PSG1: variants seen among roughly 807,000 people sequenced by gnomAD.
PSG1 encodes pregnancy-specific beta-1-glycoprotein 1.
A neutral mutation model predicts 41.4 loss-of-function variants in PSG1; 60 were observed. The ratio of observed to expected loss-of-function variants is 1.45; its 90% confidence interval spans 1.18 to 1.80. The LOEUF is 1.80. Ranked by LOEUF, PSG1 falls within the 40% of genes most tolerant of loss-of-function variation. The pLI is 0.00. For missense variants in PSG1, 806 were observed against 516.9 expected (o/e 1.56, Z -5.42); for synonymous variants, 256 against 192.9 (o/e 1.33, Z -2.71).
chr19:42,871,208 T>G (rs914481001), intron 3 of PSG1, among the ~76,000 whole-genome samples: 4 of 151,422 alleles, frequency 2.6e-5, no homozygotes, highest in African/African-American at 9.7e-5. Flanking sequence ...TGATTTGGGG[T>G]ATAAAGAACA....
intron 3 of PSG1, among the ~76,000 whole-genome samples, chr19:42,871,429 G>A (rs1330018045): frequency 6.6e-6 from 1 of 151,600 alleles, no homozygotes; most frequent in African/African-American, 2.4e-5. Flanking sequence ...GTCTGTGGAA[G>A]GGCCACAATC....
chr19:42,876,149 G>T lies in PSG1; in HGVS notation c.430+1764C>A, dbSNP rs1417286209. On this transcript the variant is annotated intron_variant, in intron 2 of 5. Transcript: ENST00000436291. ...GGGAGTGTCTAGGGAAGGCCTAGAG[G>T]TGGAGGAAGAAGCTGTGCAGGACAG... 3.3e-5 allele frequency among the ~76,000 whole-genome samples: 5 copies of T among 151,512 alleles called. No homozygotes were observed. In the East Asian group the frequency reaches 9.7e-4, roughly 29 times the overall value.
At chr19:42,871,689 A>T in intron 3 of PSG1, 78 bp downstream of exon 3, 1 of 1,612,082 alleles carries the variant, frequency 6.2e-7, no homozygotes, top group South Asian at 1.1e-5. Flanking sequence ...TGGACCTGAG[A>T]GGGACAGAGA....
intron 5 of PSG1, chr19:42,867,711 G>A: frequency 1.2e-6 from 1 of 823,966 alleles, no homozygotes; most frequent in Non-Finnish European, 2.1e-6. Context: ...TTCAATTACG[G>A]TTCCCAGAAG....
At chr19:42,869,513 G>T (rs1000744927) in intron 3 of PSG1, 3 of 175,350 alleles carry the variant, frequency 1.7e-5, no homozygotes, top group African/African-American at 4.8e-5. Context: ...CAACCCTGAA[G>T]ATACTGAGCA....
rs551514638 is a variant in PSG1 at position 42,879,429 on chromosome 19, C to T, written c.64+89G>A. On this transcript the variant is annotated intron_variant, in intron 1 of 5. Coordinates refer to ENST00000436291, the MANE Select transcript of PSG1 (RefSeq NM_001184825.2). ...AGACTCCCAAAGTGCTGGCTTCTTT[C>T]ATTTTTTAGAACCCCATCCTCTCCA... 65 of 1,560,650 alleles carry T rather than the reference C, an allele frequency of 4.2e-5. 3 individuals carry two copies. In the South Asian group the frequency reaches 5.2e-4, roughly 12 times the overall value.
In PSG1 at chr19:42,868,113, C is replaced by A. The variant is rs1971210833; in HGVS notation, c.1231G>T (p.Val411Phe). The change falls in exon 5 of 6, where the codon GTC (valine) becomes TTC (phenylalanine). Residue 411 changes from valine to phenylalanine, a missense_variant. Coordinates refer to ENST00000436291, the MANE Select transcript of PSG1 (RefSeq NM_001184825.2). ...TGKESSKSMT[V>F]EVSDWTVP ...GGGATCCACTTACCAGAGACTTCGA[C>A]TGTCATGGATTTGGAGCTTTCCTTG... The A allele has an allele frequency of 6.2e-7, 1 of 1,612,264 alleles. No homozygotes were observed. The highest frequency in any genetic ancestry group is 8.5e-7 in the Non-Finnish European group (1 of 1,179,134).
intron 2 of PSG1, among the ~76,000 whole-genome samples, chr19:42,877,166 C>T (rs533144368): frequency 5.3e-4 from 81 of 151,778 alleles, no homozygotes; most frequent in African/African-American, 1.8e-3. Flanking sequence ...AGCACCTTTA[C>T]GTCAGATCCC....
Position 42,872,052 on chromosome 19 carries a change from A to T in PSG1, c.431-7T>A, listed in dbSNP as rs1364175632. ...GAGGGCTTAGGAGTCTCCACTGTGCAGAAAACAGGGTGAAGATTGCCGTGT... is the reference window on the plus strand; with the variant it reads ...GAGGGCTTAGGAGTCTCCACTGTGCTGAAAACAGGGTGAAGATTGCCGTGT... On this transcript the variant is annotated splice_polypyrimidine_tract_variant and splice_region_variant and intron_variant, in intron 2 of 5. Transcript: ENST00000436291. The T allele has an allele frequency of 1.2e-5, 20 of 1,607,280 alleles. 1 individual carries two copies. Among genetic ancestry groups the T allele is most frequent in the African/African-American group, 5.4e-5 (4 of 74,436 alleles).
chr19:42,871,691 G>T (rs1186681503), intron 3 of PSG1, 76 bp downstream of exon 3: 1 of 1,612,024 alleles, frequency 6.2e-7, no homozygotes, highest in Non-Finnish European at 8.5e-7. Context: ...GACCTGAGAG[G>T]GACAGAGAGG....
chr19:42,876,137 G>C (rs1375082611), intron 2 of PSG1, among the ~76,000 whole-genome samples: 2 of 151,428 alleles, frequency 1.3e-5, no homozygotes, highest in Non-Finnish European at 2.9e-5. Flanking sequence ...AGTGTCTAGG[G>C]AAGGCCTAGA....
chr19:42,876,095 A>T (rs1037640015), intron 2 of PSG1, among the ~76,000 whole-genome samples: 3 of 151,282 alleles, frequency 2.0e-5, no homozygotes, highest in African/African-American at 4.9e-5. Context: ...TGTTAGTGGG[A>T]AGGGAACTGA....
intron 5 of PSG1, 134 bp downstream of exon 5, chr19:42,867,967 C>A: frequency 1.3e-6 from 2 of 1,595,912 alleles, no homozygotes; most frequent in South Asian, 1.1e-5. Flanking sequence ...TTGGAGGGTT[C>A]AGGAGGAGAA....
In PSG1 at chr19:42,867,905, A is replaced by G. The variant is rs534436212; in HGVS notation, c.1243+196T>C. On this transcript the variant is annotated intron_variant, in intron 5 of 5. Coordinates refer to ENST00000436291, the MANE Select transcript of PSG1 (RefSeq NM_001184825.2). ...TTCCTGCTTGGTCTAGGCTGGGAAT[A>G]TTATGAAGATATCAGCCTGTTTGTT... The G allele has an allele frequency of 3.4e-5, 51 of 1,485,298 alleles. 1 individual carries two copies. Among genetic ancestry groups the G allele is most frequent in the South Asian group, 2.7e-4 (20 of 74,480 alleles). The allele number at this position is 1,485,298 out of a possible 1,614,324, so 92.0% of individuals were successfully genotyped here.
Position 42,867,121 on chromosome 19 carries a change from G to T in PSG1, c.*13C>A, listed in dbSNP as rs759945646. 7 of 772,004 alleles carry T rather than the reference G, an allele frequency of 9.1e-6. No individual in the cohort carries two copies. In the African/African-American group the frequency reaches 1.2e-4, roughly 13 times the overall value. 47.8% of individuals were successfully genotyped at this position (772,004 alleles called of 1,614,324 possible). A position where few individuals can be genotyped will look rare whatever the true frequency, so the allele number is the denominator to read the frequency against. On this transcript the variant is annotated 3_prime_UTR_variant, in exon 6 of 6. Transcript: ENST00000436291. ...TCCATGGGAGAAAATGGAATTGGAG[G>T]TACTAGTAGAATTCAGGGAACTGTC...
rs377569603 is a variant in PSG1 at position 42,868,206 on chromosome 19, A to G, written c.1138T>C (p.Phe380Leu). 5.0e-6 allele frequency: 8 copies of G among 1,612,316 alleles called. No homozygotes were observed. Among genetic ancestry groups the G allele is most frequent in the Non-Finnish European group, 6.8e-6 (8 of 1,179,136 alleles). Reference sequence around the variant, plus strand: ...TGCTTTGTAGTAATATGGCGGATAAAGAGCTTTTGTCCTGGTAGCTGAAAC... The same window carrying G: ...TGCTTTGTAGTAATATGGCGGATAAGGAGCTTTTGTCCTGGTAGCTGAAAC... ...EKFQLPGQKL[F>L]IRHITTKHSG... is the part of the protein sequence containing the mutation. Residue 380 changes from phenylalanine to leucine, a missense_variant, in exon 5 of 6, where the codon TTT becomes CTT. Transcript: ENST00000436291.
In PSG1 at chr19:42,879,713, C is replaced by G. The variant is rs1971789028; in HGVS notation, c.-132G>C. The G allele has an allele frequency of 3.6e-6, 5 of 1,381,282 alleles. No homozygotes were observed. Among genetic ancestry groups the G allele is most frequent in the East Asian group, 2.4e-5 (1 of 41,294 alleles). 85.6% of individuals were successfully genotyped at this position (1,381,282 alleles called of 1,614,324 possible). ...CTCTTCCCAGGGCAGGAGCAATTCT[C>G]AAGCTCATGGGCAGGGTCAGGCCCA... On this transcript the variant is annotated 5_prime_UTR_variant, in exon 1 of 6. Coordinates refer to ENST00000436291, the MANE Select transcript of PSG1 (RefSeq NM_001184825.2).
chr19:42,877,460 A>C (rs1216400018), intron 2 of PSG1, among the ~76,000 whole-genome samples: 3 of 151,548 alleles, frequency 2.0e-5, no homozygotes, highest in African/African-American at 2.4e-5. Flanking sequence ...AGAAGCCACA[A>C]CCCAGTCCCA....
In PSG1 at chr19:42,876,991, T is replaced by A. The variant is rs535460977; in HGVS notation, c.430+922A>T. Among the ~76,000 whole-genome samples the A allele has an allele frequency of 2.2e-4, 33 of 151,742 alleles. 3 individuals carry two copies. The South Asian group carries it at 6.9e-3, about 32-fold the overall frequency. On this transcript the variant is annotated intron_variant, in intron 2 of 5. Coordinates refer to ENST00000436291, the MANE Select transcript of PSG1 (RefSeq NM_001184825.2). Reference sequence around the variant, plus strand: ...CTTGCTCAGTCACTGTGCCTTCCTGTGCCTCAGTTTTCTCTCAATCAAATA... The same window carrying A: ...CTTGCTCAGTCACTGTGCCTTCCTGAGCCTCAGTTTTCTCTCAATCAAATA...
Sources: allele counts gnomAD v4.1 joint callset (sites outside exome capture counted in the v4.1 genomes callset), GRCh38; gene constraint gnomAD v4.1.1; transcripts MANE v1.5; gene names NCBI Gene and HGNC (gene_info 2026-07-23, HGNC 2026-07-21).